The following LRRC37A2 variants were observed in gnomAD, a reference collection of about 807,000 sequenced individuals.
LRRC37A2 encodes the protein leucine rich repeat containing 37 member A2, also known as leucine-rich repeat-containing protein 37A2.
Under a neutral mutation model 68.8 loss-of-function variants are expected in LRRC37A2, and 9 were observed. The ratio of observed to expected loss-of-function variants is 0.13; its 90% CI spans 0.08 to 0.23. The LOEUF (loss-of-function observed/expected upper bound fraction) is 0.23. LRRC37A2 is among the 10% of genes least tolerant of loss of function. The pLI, the probability that LRRC37A2 is intolerant of heterozygous loss-of-function variation, is 1.00. For synonymous variants in LRRC37A2, 63 were observed against 367.6 expected (o/e 0.17, Z 9.48); for missense variants, 168 against 950.4 (o/e 0.18, Z 10.82).
At chr17:46,726,296 T>C in the LRRC37A2 span, among the ~76,000 whole-genome samples, 2,309 of 152,276 alleles carry the variant, frequency 0.015, 49 homozygotes, top group African/African-American at 0.053. Flanking sequence ...TGATGGGATG[T>C]GTCAGTTGAT....
the LRRC37A2 span, among the ~76,000 whole-genome samples, chr17:46,819,320 G>A: frequency 2.6e-5 from 4 of 152,218 alleles, no homozygotes; most frequent in African/African-American, 9.6e-5. This position sits in a 1 kb window ranked among gnomAD's most constrained non-coding sequence, Gnocchi z 5.3. Context: ...TCTGGCTGCG[G>A]GCGGCGCCGG....
chr17:46,485,949 GC>G, the LRRC37A2 span, among the ~76,000 whole-genome samples: 9 of 76,300 alleles, frequency 1.2e-4, 1 homozygote, highest in African/African-American at 4.1e-4. Flanking sequence ...CTGCACTCCA[GC>G]CTGGGGGACA....
the LRRC37A2 span, among the ~76,000 whole-genome samples, chr17:46,949,691 G>A: frequency 6.6e-6 from 1 of 152,218 alleles, no homozygotes; most frequent in South Asian, 2.1e-4. Flanking sequence ...CATGGCAGAA[G>A]TAGTATCTAC....
the LRRC37A2 span, among the ~76,000 whole-genome samples, chr17:46,598,767 A>G: frequency 6.6e-6 from 1 of 151,958 alleles, no homozygotes; most frequent in East Asian, 1.9e-4. Context: ...TTACCAAACA[A>G]ACTTTCAGAT....
chr17:46,490,710 T>A, the LRRC37A2 span, among the ~76,000 whole-genome samples: 1 of 144,240 alleles, frequency 6.9e-6, no homozygotes, highest in Non-Finnish European at 1.5e-5. Context: ...GGTGACAGAG[T>A]GAGACTTCAT....
chr17:46,534,186 T>G (rs1298493553), intron 6 of LRRC37A2, among the ~76,000 whole-genome samples: 1 of 149,030 alleles, frequency 6.7e-6, no homozygotes, highest in East Asian at 2.0e-4. Flanking sequence ...GTTTTTTTTG[T>G]TTTTGTTTTT....
the LRRC37A2 span, among the ~76,000 whole-genome samples, chr17:46,867,144 G>C: frequency 3.9e-5 from 6 of 152,360 alleles, no homozygotes; most frequent in Middle Eastern, 3.4e-3. Context: ...CCTTGAGAGA[G>C]TCTGGAGGAC....
At chr17:46,837,774 T>G in the LRRC37A2 span, among the ~76,000 whole-genome samples, 1 of 152,202 alleles carries the variant, frequency 6.6e-6, no homozygotes, top group Admixed American at 6.5e-5. Context: ...AGGACTGACC[T>G]GGTATATGCC....
chr17:46,847,673 A>G, the LRRC37A2 span, among the ~76,000 whole-genome samples: 1 of 152,078 alleles, frequency 6.6e-6, no homozygotes, highest in Non-Finnish European at 1.5e-5. Context: ...CTTCCCTCGG[A>G]GCTGCTGGGG....
the LRRC37A2 span, among the ~76,000 whole-genome samples, chr17:46,610,423 T>C: frequency 5.5e-5 from 1 of 18,172 alleles, no homozygotes; most frequent in Admixed American, 7.0e-4. Context: ...GGGCTGGCAT[T>C]CCCTTGTTGG....
At chr17:46,882,313 A>G in the LRRC37A2 span, among the ~76,000 whole-genome samples, 1 of 152,214 alleles carries the variant, frequency 6.6e-6, no homozygotes, top group Non-Finnish European at 1.5e-5. Flanking sequence ...TAGTTTGAAG[A>G]GTCCAGGCTG....
At chr17:46,998,456 G>C in the LRRC37A2 span, among the ~76,000 whole-genome samples, 1 of 152,188 alleles carries the variant, frequency 6.6e-6, no homozygotes, top group African/African-American at 2.4e-5. Context: ...CCTTTAACTC[G>C]GGGCCTGTAT....
chr17:46,722,943 C>T, the LRRC37A2 span, among the ~76,000 whole-genome samples: 8 of 152,000 alleles, frequency 5.3e-5, no homozygotes, highest in Non-Finnish European at 4.4e-5. Flanking sequence ...GCACAGAGAC[C>T]GACTGCAAAA....
At chr17:46,492,113 G>A in the LRRC37A2 span, among the ~76,000 whole-genome samples, 3 of 151,190 alleles carry the variant, frequency 2.0e-5, no homozygotes, top group African/African-American at 7.4e-5. Context: ...ACAGGCGCCC[G>A]CCACTACGCC....
At chr17:46,892,958 A>G in the LRRC37A2 span, among the ~76,000 whole-genome samples, 2 of 150,396 alleles carry the variant, frequency 1.3e-5, no homozygotes, top group African/African-American at 4.9e-5. Flanking sequence ...TTTTTTTGAG[A>G]TGGAGTCTTG....
chr17:46,784,341 G>A, the LRRC37A2 span, among the ~76,000 whole-genome samples: 2 of 152,158 alleles, frequency 1.3e-5, no homozygotes, highest in African/African-American at 2.4e-5. Context: ...GGGACTTCCA[G>A]GCACCACGTA....
chr17:46,838,786 A>G, the LRRC37A2 span, among the ~76,000 whole-genome samples: 27 of 152,300 alleles, frequency 1.8e-4, no homozygotes, highest in African/African-American at 6.5e-4. Flanking sequence ...CGGGTTTACA[A>G]AAACAGATAA....
At chr17:46,950,842 G>A in the LRRC37A2 span, among the ~76,000 whole-genome samples, 1 of 152,192 alleles carries the variant, frequency 6.6e-6, no homozygotes, top group African/African-American at 2.4e-5. Context: ...GCCAGAAGTG[G>A]TCTTGGGGAC....
At chr17:46,791,098 C>T in the LRRC37A2 span, among the ~76,000 whole-genome samples, 1 of 152,124 alleles carries the variant, frequency 6.6e-6, no homozygotes, top group Non-Finnish European at 1.5e-5. Context: ...ACAGGATGCT[C>T]ACACTCTTTG....
Sources: gnomAD v4.1 joint callset for allele counts (sites outside exome capture counted in the v4.1 genomes callset) on GRCh38, gnomAD v4.1.1 for gene constraint, Gnocchi (gnomAD v3.1) non-coding constraint, MANE v1.5 for transcripts, NCBI Gene and HGNC (gene_info 2026-07-23, HGNC 2026-07-21) for gene names.